PFKFB3: variants seen among roughly 807,000 people sequenced by gnomAD.
The protein encoded by PFKFB3 is 6-phosphofructo-2-kinase/fructose-2,6-biphosphatase 3, also known as 6-phosphofructo-2-kinase/fructose-2,6-bisphosphatase 3.
Under a neutral mutation model 68.0 loss-of-function variants are expected in PFKFB3, and 33 were observed. The observed-to-expected ratio is 0.49, with a 90% CI of 0.37 to 0.65. The LOEUF (loss-of-function observed/expected upper bound fraction) is 0.65, where lower values mean the gene tolerates loss of function less well. Among genes scored for constraint, PFKFB3 ranks in the 30% least tolerant of loss-of-function variants. The probability of loss-of-function intolerance (pLI) is 0.00; values close to 1 mark genes in which losing one functional copy is unlikely to be tolerated. For synonymous variants in PFKFB3, 315 were observed against 288.2 expected, an observed-to-expected ratio of 1.09 and a Z score of -0.94; for missense variants, 586 against 712.2, an observed-to-expected ratio of 0.82 and a Z score of 2.02.
the PFKFB3 span, among the ~76,000 whole-genome samples, chr10:6,291,788 G>C: frequency 6.6e-6 from 1 of 152,094 alleles, no homozygotes; most frequent in African/African-American, 2.4e-5. Context: ...TAGAAAGGCA[G>C]CAGTAATTCT....
At chr10:6,158,836 C>G (rs532773142) in intron 1 of PFKFB3, among the ~76,000 whole-genome samples, 44 of 151,062 alleles carry the variant, frequency 2.9e-4, no homozygotes, top group Non-Finnish European at 5.0e-4. Flanking sequence ...CGCCACTGCT[C>G]TCTAGCCTGG....
rs1844904094 is a variant in PFKFB3 at position 6,220,838 on chromosome 10, C to T, written c.804C>T (p.Asp268=). The stretch of plus-strand genomic sequence containing the variant: ...ACCTCCAGGGCCGCATCGGGGGCGA[C>T]TCAGGCCTGTCCAGCCGGGGCAAGA... ...EHNLQGRIGG[D]SGLSSRGKKF... is the part of the protein sequence containing the mutation. The change falls in exon 8 of 15, where the codon GAC becomes GAT. Residue 268 remains aspartate (D), a synonymous_variant. Coordinates refer to ENST00000379775, the MANE Select transcript of PFKFB3 (RefSeq NM_004566.4). This position sits in a 1 kb window ranked among gnomAD's most constrained non-coding sequence, Gnocchi z 4.1. 1 of 1,612,776 alleles carries T rather than the reference C, an allele frequency of 6.2e-7. No individual in the cohort carries two copies. The highest frequency in any genetic ancestry group is 8.5e-7 in the Non-Finnish European group (1 of 1,180,014).
the PFKFB3 span, among the ~76,000 whole-genome samples, chr10:6,311,624 C>T: frequency 1.3e-5 from 2 of 152,072 alleles, no homozygotes; most frequent in Admixed American, 1.3e-4. Flanking sequence ...TGGCGGGCGC[C>T]TGTAATCCCA....
At chr10:6,232,637 C>G (rs79221192) in intron 14 of PFKFB3, among the ~76,000 whole-genome samples, 1,953 of 152,128 alleles carry the variant, frequency 0.013, 50 homozygotes, top group African/African-American at 0.045. Flanking sequence ...AGGAGCCACA[C>G]GGCCCCCACC....
intron 1 of PFKFB3, among the ~76,000 whole-genome samples, chr10:6,207,834 T>C (rs1193641343): frequency 6.6e-6 from 1 of 152,188 alleles, no homozygotes; most frequent in Non-Finnish European, 1.5e-5. Context: ...TGAGTCAGCA[T>C]AATGGTCAAG....
the PFKFB3 span, among the ~76,000 whole-genome samples, chr10:6,303,137 T>C: frequency 3.7e-3 from 564 of 152,320 alleles, 5 homozygotes; most frequent in African/African-American, 0.012. Flanking sequence ...GTTTTTCTCT[T>C]CTAAAATTCA....
intron 1 of PFKFB3, 90 bp downstream of exon 1, chr10:6,203,426 C>CGGGGGGCGCGCCCGT: frequency 1.2e-6 from 1 of 863,554 alleles, no homozygotes; most frequent in Non-Finnish European, 1.6e-6. Context: ...CGCCCCTCTG[C>CGGGGGGCGCGCCCGT]GGGGGGCGCG....
At chr10:6,273,002 C>CTT in the PFKFB3 span, among the ~76,000 whole-genome samples, 14 of 74,134 alleles carry the variant, frequency 1.9e-4, no homozygotes, top group East Asian at 7.5e-4. Context: ...AGATTGCAGG[C>CTT]TTTTTTTTTT....
chr10:6,210,356 G>GTTTTTTTTTTTTT (rs762723368), intron 1 of PFKFB3, among the ~76,000 whole-genome samples: 2 of 44,486 alleles, frequency 4.5e-5, no homozygotes, highest in African/African-American at 9.3e-5. Flanking sequence ...GTTTTTTTTT[G>GTTTTTTTTTTTTT]TTTTTTTGTT....
intron 1 of PFKFB3, among the ~76,000 whole-genome samples, chr10:6,162,921 C>T (rs1220883922): frequency 2.0e-5 from 3 of 152,146 alleles, no homozygotes; most frequent in Non-Finnish European, 4.4e-5. Flanking sequence ...ACCGGAGTGT[C>T]CGTGTTTCCA....
chr10:6,248,185 T>A (rs1564234651), intron 14 of PFKFB3, among the ~76,000 whole-genome samples: 1 of 152,228 alleles, frequency 6.6e-6, no homozygotes. Flanking sequence ...GTGATTTCCC[T>A]GGAAATATAT....
intron 1 of PFKFB3, among the ~76,000 whole-genome samples, chr10:6,173,298 A>T (rs1167822157): frequency 6.6e-6 from 1 of 152,036 alleles, no homozygotes; most frequent in Non-Finnish European, 1.5e-5. Flanking sequence ...TCGAGGCGCA[A>T]CCTGTAGTCC....
At chr10:6,239,562 T>G (rs1846095412), downstream of PFKFB3, among the ~76,000 whole-genome samples, 1 of 152,218 alleles carries the variant, frequency 6.6e-6, no homozygotes, top group Non-Finnish European at 1.5e-5. Flanking sequence ...CTCAAGATGC[T>G]CACATAACGT....
intron 1 of PFKFB3, among the ~76,000 whole-genome samples, chr10:6,179,702 G>C (rs916090256): frequency 1.5e-4 from 23 of 152,252 alleles, no homozygotes; most frequent in African/African-American, 5.5e-4. Flanking sequence ...GTAAACCAAG[G>C]TGCCAAGGCT....
the PFKFB3 span, among the ~76,000 whole-genome samples, chr10:6,277,266 C>G: frequency 1.3e-5 from 2 of 151,552 alleles, no homozygotes; most frequent in Non-Finnish European, 2.9e-5. Flanking sequence ...CAGAGTATCG[C>G]TCTTTCACCC....
At chr10:6,174,177 T>A (rs1015667889) in intron 1 of PFKFB3, among the ~76,000 whole-genome samples, 2 of 152,128 alleles carry the variant, frequency 1.3e-5, no homozygotes, top group Non-Finnish European at 2.9e-5. Context: ...AGTCTCCTCT[T>A]CTGTAAAGTA....
intron 2 of PFKFB3, among the ~76,000 whole-genome samples, chr10:6,214,191 C>A (rs1844412425): frequency 6.6e-6 from 1 of 152,220 alleles, no homozygotes; most frequent in Admixed American, 6.5e-5. Flanking sequence ...AGTGAGTGCG[C>A]ATTCCTGCCT....
chr10:6,237,742 T>C (rs553054154), downstream of PFKFB3, among the ~76,000 whole-genome samples: 1 of 152,282 alleles, frequency 6.6e-6, no homozygotes, highest in South Asian at 2.1e-4. Context: ...ATTTTTGTAT[T>C]TTTTGTCGAG....
At chr10:6,323,673 T>C in the PFKFB3 span, among the ~76,000 whole-genome samples, 1 of 152,232 alleles carries the variant, frequency 6.6e-6, no homozygotes, top group African/African-American at 2.4e-5. Flanking sequence ...AATTGTTCAC[T>C]CCGTGCCTCT....
Sources: allele counts gnomAD v4.1 joint callset (sites outside exome capture counted in the v4.1 genomes callset), GRCh38; gene constraint gnomAD v4.1.1; non-coding constraint Gnocchi (gnomAD v3.1); transcripts MANE v1.5; gene names NCBI Gene and HGNC (gene_info 2026-07-23, HGNC 2026-07-21).